Variants in PARD6B observed in about 807,000 individuals in gnomAD.
The protein encoded by PARD6B is partitioning defective 6 homolog beta.
Under a neutral mutation model 10.5 loss-of-function variants are expected in PARD6B, and 4 were observed. The ratio of observed to expected loss-of-function variants is 0.38; its 90% CI spans 0.19 to 0.87. PARD6B has a LOEUF of 0.87. Ranked by LOEUF, PARD6B falls within the 40% of genes least tolerant of loss-of-function variation. The pLI is 0.41. For synonymous variants in PARD6B, 169 were observed against 170.4 expected, an observed-to-expected ratio of 0.99 and a Z score of 0.07; for missense variants, 396 against 470.6, an observed-to-expected ratio of 0.84 and a Z score of 1.47.
intron 1 of PARD6B, 73 bp downstream of exon 1, chr20:50,731,925 G>C: frequency 8.0e-7 from 1 of 1,255,104 alleles, no homozygotes; most frequent in Non-Finnish European, 1.0e-6. Context: ...GGCCAGGCTC[G>C]GAGCGCCGGG....
At chr20:50,747,697 G>C (rs2087577137) in intron 2 of PARD6B, among the ~76,000 whole-genome samples, 1 of 151,320 alleles carries the variant, frequency 6.6e-6, no homozygotes, top group Admixed American at 6.6e-5. Context: ...GAAATGTTTT[G>C]TTTATAGACT....
intron 2 of PARD6B, among the ~76,000 whole-genome samples, chr20:50,746,700 G>A (rs368893337): frequency 6.6e-6 from 1 of 152,350 alleles, no homozygotes; most frequent in South Asian, 2.1e-4. Flanking sequence ...TTAGCAGAGA[G>A]CATTCAAATG....
intron 1 of PARD6B, among the ~76,000 whole-genome samples, chr20:50,734,753 T>C (rs772304303): frequency 6.6e-6 from 1 of 152,108 alleles, no homozygotes. Flanking sequence ...ACTCCTGAGC[T>C]CAAGTGATAT....
rs867658926 is a variant in PARD6B at position 50,750,967 on chromosome 20, T to A, written c.*479T>A. The A allele has an allele frequency of 2.7e-6, 1 of 365,806 alleles. No individual in the cohort carries two copies. Among genetic ancestry groups the A allele is most frequent in the Non-Finnish European group, 3.3e-6 (1 of 302,976 alleles). 22.7% of individuals were successfully genotyped at this position (365,806 alleles called of 1,614,324 possible). A position where few individuals can be genotyped will look rare whatever the true frequency, so the allele number is the denominator to read the frequency against. On this transcript the variant is annotated 3_prime_UTR_variant, in exon 3 of 3. Coordinates refer to ENST00000371610, the MANE Select transcript of PARD6B (RefSeq NM_032521.3). ...TATTTTATTTTGATTTTTTTTTTTT[T>A]TTTTTTTTTTTTTTTTTTTAGTGAC...
In PARD6B at chr20:50,743,867, C is replaced by T. The variant is rs1431422460; in HGVS notation, c.289+5788C>T. On this transcript the variant is annotated intron_variant, in intron 2 of 2. Coordinates refer to ENST00000371610, the MANE Select transcript of PARD6B (RefSeq NM_032521.3). ...TCGCGCCACTGCACTCCAGCCTGGG[C>T]GACAGAGCGAGACTCCGTCTCAAAA... 7.0e-5 allele frequency among the ~76,000 whole-genome samples: 10 copies of T among 142,630 alleles called. 1 individual carries two copies. In the South Asian group the frequency reaches 1.6e-3, roughly 22 times the overall value. 93.6% of individuals were successfully genotyped at this position (142,630 alleles called of 152,430 possible). A position where few individuals can be genotyped will look rare whatever the true frequency, so the allele number is the denominator to read the frequency against.
chr20:50,734,387 C>T (rs2087488264), intron 1 of PARD6B, among the ~76,000 whole-genome samples: 1 of 151,860 alleles, frequency 6.6e-6, no homozygotes, highest in Non-Finnish European at 1.5e-5. Context: ...TGCTCTGTCA[C>T]CCGGGCTGGA....
At chr20:50,739,196 C>G (rs1026851389) in intron 2 of PARD6B, among the ~76,000 whole-genome samples, 1 of 151,926 alleles carries the variant, frequency 6.6e-6, no homozygotes, top group Non-Finnish European at 1.5e-5. Flanking sequence ...TGTGTAATCC[C>G]AGCACTTTGG....
chr20:50,751,350 C>CTTTTTTTTTTTT lies in PARD6B; in HGVS notation c.*874_*885dup, dbSNP rs11467364. The stretch of plus-strand genomic sequence containing the variant: ...ATTTCCAGTTTCTTTTCTTTTCTTT[C>CTTTTTTTTTTTT]TTTTTTTTTTTTTTTTTTTTTTTGA... On this transcript the variant is annotated 3_prime_UTR_variant, in exon 3 of 3. Coordinates refer to ENST00000371610, the MANE Select transcript of PARD6B (RefSeq NM_032521.3). 21 of 578,548 alleles carry CTTTTTTTTTTTT rather than the reference C, an allele frequency of 3.6e-5. No homozygotes were observed. Among genetic ancestry groups the CTTTTTTTTTTTT allele is most frequent in the African/African-American group, 2.4e-4 (6 of 25,424 alleles). 35.8% of individuals were successfully genotyped at this position (578,548 alleles called of 1,614,324 possible). A position where few individuals can be genotyped will look rare whatever the true frequency, so the allele number is the denominator to read the frequency against.
In PARD6B at chr20:50,750,303, C is replaced by T. The variant is rs1490111225; in HGVS notation, c.934C>T (p.Pro312Ser). 5 of 1,614,060 alleles carry T rather than the reference C, an allele frequency of 3.1e-6. No homozygotes were observed. In the African/African-American group the frequency reaches 6.7e-5, roughly 22 times the overall value. The change falls in exon 3 of 3, where the codon CCT (proline) becomes TCT (serine). Residue 312 changes from proline to serine, a missense_variant. Around this residue, in one of 2 missense-constraint regions of PARD6B, gnomAD observed 188 missense variants for 169.7 expected, o/e 1.11. Transcript: ENST00000371610. ...GCCACAGCAGATTCCAAAAGCTGTT[C>T]CTAATACTGAGAGCCTGGAGTCATT... ...GVPQQIPKAV[P>S]NTESLESLTQ...
intron 1 of PARD6B, among the ~76,000 whole-genome samples, chr20:50,736,696 T>G (rs2087501190): frequency 8.2e-6 from 1 of 121,360 alleles, no homozygotes; most frequent in East Asian, 2.1e-4. Context: ...AGTGTTTTGG[T>G]TTTTTTTTTT....
At chr20:50,737,091 A>C (rs2087503453) in intron 1 of PARD6B, among the ~76,000 whole-genome samples, 2 of 151,970 alleles carry the variant, frequency 1.3e-5, no homozygotes, top group African/African-American at 2.4e-5. Flanking sequence ...AGAACTGTGA[A>C]GGTAAGTATT....
chr20:50,747,701 A>G, intron 2 of PARD6B, among the ~76,000 whole-genome samples: 1 of 151,452 alleles, frequency 6.6e-6, no homozygotes, highest in East Asian at 1.9e-4. Context: ...TGTTTTGTTT[A>G]TAGACTATCT....
chr20:50,731,833 C>G lies in PARD6B; in HGVS notation c.47C>G (p.Thr16Ser), dbSNP rs1452795234. The change falls in exon 1 of 3, where the codon ACT becomes AGT. Residue 16 changes from threonine to serine, a missense_variant. Coordinates refer to ENST00000371610, the MANE Select transcript of PARD6B (RefSeq NM_032521.3). Reference sequence around the variant, plus strand: ...GGGGCGGGCAGCGGCTGCCTGGGCACTATGGAGGTGAAGAGCAAGGTGCGC... The same window carrying G: ...GGGGCGGGCAGCGGCTGCCTGGGCAGTATGGAGGTGAAGAGCAAGGTGCGC... Reference protein sequence around the residue: ...RHGAGSGCLGTMEVKSKFGAE... With the variant: ...RHGAGSGCLGSMEVKSKFGAE... 6.8e-7 allele frequency: 1 copy of G among 1,460,616 alleles called. No homozygotes were observed. The highest frequency in any genetic ancestry group is 2.5e-5 in the Admixed American group (1 of 40,498). 90.5% of individuals were successfully genotyped at this position (1,460,616 alleles called of 1,614,324 possible).
intron 1 of PARD6B, among the ~76,000 whole-genome samples, chr20:50,736,584 G>A (rs2087500601): frequency 2.0e-5 from 3 of 152,254 alleles, no homozygotes; most frequent in Admixed American, 2.0e-4. Flanking sequence ...TTTTGAGGAA[G>A]GCAGATTAAC....
intron 1 of PARD6B, among the ~76,000 whole-genome samples, chr20:50,734,424 G>A (rs1026284026): frequency 5.3e-5 from 8 of 151,990 alleles, no homozygotes; most frequent in Non-Finnish European, 7.4e-5. Flanking sequence ...ACGGCTCACT[G>A]CAGCCTCAAC....
chr20:50,751,626 G>T lies in PARD6B; in HGVS notation c.*1138G>T. The stretch of plus-strand genomic sequence containing the variant: ...CTCCCAAAGTGCTGGGATTACAGGC[G>T]TGAGCCACCGCGCCCAGTTGTGCAT... On this transcript the variant is annotated 3_prime_UTR_variant, in exon 3 of 3. Coordinates refer to ENST00000371610, the MANE Select transcript of PARD6B (RefSeq NM_032521.3). 1 of 985,102 alleles carries T rather than the reference G, an allele frequency of 1.0e-6. No individual in the cohort carries two copies. The highest frequency in any genetic ancestry group is 1.2e-6 in the Non-Finnish European group (1 of 829,976). 61.0% of individuals were successfully genotyped at this position (985,102 alleles called of 1,614,324 possible).
Position 50,751,738 on chromosome 20 carries a change from T to A in PARD6B, c.*1250T>A. 1 of 982,056 alleles carries A rather than the reference T, an allele frequency of 1.0e-6. No individual in the cohort carries two copies. The highest frequency in any genetic ancestry group is 1.2e-6 in the Non-Finnish European group (1 of 828,596). The allele number at this position is 982,056 out of a possible 1,614,324, so 60.8% of individuals were successfully genotyped here. On this transcript the variant is annotated 3_prime_UTR_variant, in exon 3 of 3. Transcript: ENST00000371610. ...GCTGAGGAAGCTTTTTTTTTTTTTT[T>A]TTGAGACAGAGTCTCTGTCACCCAG...
chr20:50,744,201 G>A (rs2087551053), intron 2 of PARD6B, among the ~76,000 whole-genome samples: 1 of 135,772 alleles, frequency 7.4e-6, no homozygotes, highest in Non-Finnish European at 1.5e-5. Flanking sequence ...GGCAACCTCC[G>A]CCTCCTGGGT....
chr20:50,751,137 T>A lies in PARD6B; in HGVS notation c.*649T>A. Reference sequence around the variant, plus strand: ...GGCACATACCACCACATCTGTCTACTTTTTGTATTTTTTGTAGAGACAGGG... The same window carrying A: ...GGCACATACCACCACATCTGTCTACATTTTGTATTTTTTGTAGAGACAGGG... On this transcript the variant is annotated 3_prime_UTR_variant, in exon 3 of 3. Coordinates refer to ENST00000371610, the MANE Select transcript of PARD6B (RefSeq NM_032521.3). 1.7e-6 allele frequency: 1 copy of A among 592,858 alleles called. No homozygotes were observed. The highest frequency in any genetic ancestry group is 2.1e-6 in the Non-Finnish European group (1 of 472,428). 36.7% of individuals were successfully genotyped at this position (592,858 alleles called of 1,614,324 possible).
Sources: gnomAD v4.1 joint callset for allele counts (sites outside exome capture counted in the v4.1 genomes callset) on GRCh38, gnomAD v4.1.1 for gene constraint, gnomAD v4.1.1 regional missense constraint, MANE v1.5 for transcripts, NCBI Gene and HGNC (gene_info 2026-07-23, HGNC 2026-07-21) for gene names.